Variants in ANKRD26 observed in about 807,000 individuals in gnomAD.
ANKRD26 encodes ankyrin repeat domain 26.
Under a neutral mutation model 208.7 loss-of-function variants are expected in ANKRD26, and 141 were observed. That is an observed-to-expected ratio of 0.68 (90% confidence interval 0.59 to 0.78). The LOEUF (loss-of-function observed/expected upper bound fraction) is 0.78, where lower values mean the gene tolerates loss of function less well. ANKRD26 is among the 30% of genes least tolerant of loss of function. The pLI, the probability that ANKRD26 is intolerant of heterozygous loss-of-function variation, is 0.00. For synonymous variants in ANKRD26, 636 were observed against 660.4 expected (o/e 0.96, Z 0.57); for missense variants, 1,889 against 1,938.7 (o/e 0.97, Z 0.48).
intron 4 of ANKRD26, among the ~76,000 whole-genome samples, chr10:26,997,058 T>G (rs2052609290): frequency 6.7e-6 from 1 of 149,580 alleles, no homozygotes; most frequent in Non-Finnish European, 1.5e-5. Flanking sequence ...ATCCACCTTT[T>G]GATAAAAAAA....
chr10:27,051,839 C>G (rs898302453), intron 16 of ANKRD26: 2 of 985,242 alleles, frequency 2.0e-6, no homozygotes, highest in African/African-American at 3.5e-5. Flanking sequence ...CATGTAGTGA[C>G]TCTTCCCCAG....
chr10:26,947,621 C>T, the ANKRD26 span, among the ~76,000 whole-genome samples: 1 of 152,072 alleles, frequency 6.6e-6, no homozygotes, highest in Admixed American at 6.5e-5. Context: ...AGAAGTGTGT[C>T]GTTGGTGCCT....
At position 27,060,631 on chromosome 10, in the gene ANKRD26, C is replaced by A. The variant is rs184843923; in HGVS notation, c.1463-91G>T. On this transcript the variant is annotated intron_variant, in intron 13 of 33. Transcript: ENST00000376087. Reference sequence around the variant, plus strand: ...GCAGTGTTAGTATGACCAGAATCATCACGCTTGGTTTGAAAATGATTATGT... The same window carrying A: ...GCAGTGTTAGTATGACCAGAATCATAACGCTTGGTTTGAAAATGATTATGT... 6 of 989,846 alleles carry A rather than the reference C, an allele frequency of 6.1e-6. No individual in the cohort carries two copies. The African/African-American group carries it at 9.9e-5, about 16-fold the overall frequency. The allele number at this position is 989,846 out of a possible 1,614,324, so 61.3% of individuals were successfully genotyped here. A position where few individuals can be genotyped will look rare whatever the true frequency, so the allele number is the denominator to read the frequency against.
rs367849518 is a variant in ANKRD26 at position 27,035,164 on chromosome 10, G to A, written c.3286C>T (p.Arg1096Trp). 9.4e-5 allele frequency: 152 copies of A among 1,613,686 alleles called. No individual in the cohort carries two copies. Among genetic ancestry groups the A allele is most frequent in the Non-Finnish European group, 3.2e-5 (38 of 1,179,896 alleles). Residue 1096 changes from arginine (R) to tryptophan (W), a missense_variant, in exon 24 of 34, where the codon CGG (arginine) becomes TGG (tryptophan). Arg to Trp is a moderately radical substitution (Grantham distance 101). Coordinates refer to ENST00000376087, the MANE Select transcript of ANKRD26 (RefSeq NM_014915.3). ...GTTTGGCTTAGGTCCTTTTGTACCCGTTCTAAACCCAAAGTCTTTTCTCTG... is the reference window on the plus strand; with the variant it reads ...GTTTGGCTTAGGTCCTTTTGTACCCATTCTAAACCCAAAGTCTTTTCTCTG... ...ALREKTLGLE[R>W]VQKDLSQTQC...
intron 30 of ANKRD26, among the ~76,000 whole-genome samples, chr10:27,016,368 A>G (rs545235172): frequency 6.6e-6 from 1 of 151,936 alleles, no homozygotes; most frequent in African/African-American, 2.4e-5. Flanking sequence ...CGCCTCCCAG[A>G]TTCAAGCAGT....
intron 9 of ANKRD26, among the ~76,000 whole-genome samples, chr10:27,069,481 G>GT (rs931772323): frequency 1.7e-4 from 25 of 150,672 alleles, no homozygotes; most frequent in African/African-American, 4.9e-4. Context: ...GTTTTTGGTG[G>GT]TTTTTTTTTC....
chr10:27,037,972 C>G lies in ANKRD26; in HGVS notation c.2458G>C (p.Glu820Gln), dbSNP rs746927502. 12 of 1,613,162 alleles carry G rather than the reference C, an allele frequency of 7.4e-6. No individual in the cohort carries two copies. Among genetic ancestry groups the G allele is most frequent in the East Asian group, 2.2e-5 (1 of 44,746 alleles). The part of the protein sequence containing the change: ...EKIREQLRRK[E>Q]EQYRKEVEVK... ...TCAACTTCTTTCCTATATTGCTCTTCTTTTCTTCTTAACTGTTCCCTAATT... is the reference window on the plus strand; with the variant it reads ...TCAACTTCTTTCCTATATTGCTCTTGTTTTCTTCTTAACTGTTCCCTAATT... Residue 820 changes from glutamate (E) to glutamine (Q), a missense_variant, in exon 22 of 34, where the codon GAA becomes CAA. Transcript: ENST00000376087.
chr10:27,044,209 T>C lies in ANKRD26; in HGVS notation c.1986-19A>G. 1 of 1,427,184 alleles carries C rather than the reference T, an allele frequency of 7.0e-7. No individual in the cohort carries two copies. The highest frequency in any genetic ancestry group is 9.6e-7 in the Non-Finnish European group (1 of 1,043,302). 88.4% of individuals were successfully genotyped at this position (1,427,184 alleles called of 1,614,324 possible). On this transcript the variant is annotated intron_variant, in intron 18 of 33. Transcript: ENST00000376087. ...AGTAGGCCTAAAAAAAAAAAATACC[T>C]TTCAGGCAAATAGTAAACATGTAAA...
intron 29 of ANKRD26, among the ~76,000 whole-genome samples, chr10:27,018,877 T>C (rs1338230120): frequency 6.6e-6 from 1 of 152,170 alleles, no homozygotes; most frequent in Non-Finnish European, 1.5e-5. Flanking sequence ...ACCTTGAAAC[T>C]ATAAAACTAC....
intron 30 of ANKRD26, among the ~76,000 whole-genome samples, chr10:27,016,065 C>A (rs2053279791): frequency 6.6e-6 from 1 of 152,136 alleles, no homozygotes; most frequent in Non-Finnish European, 1.5e-5. Flanking sequence ...CTCACCGCAG[C>A]CTTGAAAACT....
chr10:27,026,638 A>C (rs922399446), intron 27 of ANKRD26, among the ~76,000 whole-genome samples: 2 of 152,174 alleles, frequency 1.3e-5, no homozygotes, highest in Non-Finnish European at 2.9e-5. Flanking sequence ...TCTGATCTTC[A>C]TTTCTACACA....
At chr10:27,071,728 G>A (rs1380588906) in intron 9 of ANKRD26, among the ~76,000 whole-genome samples, 4 of 152,120 alleles carry the variant, frequency 2.6e-5, no homozygotes, top group African/African-American at 4.8e-5. Context: ...GTAGAAAATC[G>A]TGAGCCTCTA....
Position 27,038,053 on chromosome 10 carries a change from A to G in ANKRD26, c.2377T>C (p.Phe793Leu). Residue 793 changes from phenylalanine to leucine, a missense_variant and splice_region_variant, in exon 22 of 34, where the codon TTT becomes CTT. Phe to Leu is a conservative substitution (Grantham distance 22). Transcript: ENST00000376087. ...TTCTCTTCTTCTTGGTTTAAGCTAA[A>G]TCTGCAGTTAAATATGTTTATCTTA... ...EWERELCSLR[F>L]SLNQEEEKRR... The G allele has an allele frequency of 6.2e-7, 1 of 1,607,596 alleles. No individual in the cohort carries two copies. The highest frequency in any genetic ancestry group is 1.1e-5 in the South Asian group (1 of 90,910).
At chr10:27,013,224 C>T in intron 31 of ANKRD26, 114 bp from the exon 32 acceptor site, 1 of 902,184 alleles carries the variant, frequency 1.1e-6, no homozygotes, top group Non-Finnish European at 1.8e-6. Context: ...TTCCCATTAA[C>T]CAGTATTTTA....
the ANKRD26 span, among the ~76,000 whole-genome samples, chr10:26,954,370 T>C: frequency 6.6e-6 from 1 of 152,210 alleles, no homozygotes; most frequent in Admixed American, 6.5e-5. Flanking sequence ...TTTATAGCTT[T>C]GGGTTGTTTC....
At chr10:26,991,545 T>C (rs1193606661), downstream of ANKRD26, among the ~76,000 whole-genome samples, 2 of 151,920 alleles carry the variant, frequency 1.3e-5, no homozygotes, top group Non-Finnish European at 2.9e-5. Context: ...CAGGTTCAAG[T>C]GATTCTCCTG....
intron 20 of ANKRD26, among the ~76,000 whole-genome samples, 172 bp from the exon 21 acceptor site, chr10:27,040,350 C>G (rs1454350941): frequency 1.3e-5 from 2 of 152,132 alleles, no homozygotes; most frequent in Non-Finnish European, 2.9e-5. Context: ...TCTGCACTTG[C>G]TTAGCTTAAA....
intron 25 of ANKRD26, among the ~76,000 whole-genome samples, chr10:27,032,639 A>C (rs2053907700): frequency 6.6e-6 from 1 of 151,426 alleles, no homozygotes; most frequent in Non-Finnish European, 1.5e-5. Flanking sequence ...CTGTCTCAAA[A>C]AAAAAACAAA....
intron 32 of ANKRD26, among the ~76,000 whole-genome samples, chr10:27,010,084 A>T (rs1005363658): frequency 1.3e-4 from 19 of 147,940 alleles, no homozygotes; most frequent in Middle Eastern, 3.4e-3. Context: ...TTAGCCAGAG[A>T]GCTCTACTTC....
Sources: gnomAD v4.1 joint callset for allele counts (sites outside exome capture counted in the v4.1 genomes callset) on GRCh38, gnomAD v4.1.1 for gene constraint, MANE v1.5 for transcripts, NCBI Gene and HGNC (gene_info 2026-07-23, HGNC 2026-07-21) for gene names.